The following COL5A1 variants were observed in gnomAD, a reference collection of about 807,000 sequenced individuals.
COL5A1 encodes the protein collagen alpha-1(V) chain.
In COL5A1, 16 loss-of-function variants were observed where a neutral mutation model predicts 263.7. The ratio of observed to expected loss-of-function variants is 0.06; its 90% CI spans 0.04 to 0.09. COL5A1 has a LOEUF of 0.09. Ranked by LOEUF, COL5A1 falls within the 10% of genes least tolerant of loss-of-function variation. The probability of loss-of-function intolerance (pLI) is 1.00; values close to 1 mark genes in which losing one functional copy is unlikely to be tolerated. For synonymous variants in COL5A1, 1,012 were observed against 1,004.5 expected (o/e 1.01, Z -0.14); for missense variants, 2,036 against 2,540.5 (o/e 0.80, Z 4.27).
intron 1 of COL5A1, among the ~76,000 whole-genome samples, chr9:134,674,624 G>A (rs907368899): frequency 2.0e-5 from 3 of 152,130 alleles, no homozygotes; most frequent in Admixed American, 2.0e-4. Flanking sequence ...GATGACTCAC[G>A]CCTGTAATCC....
At chr9:134,792,130 C>T (rs150874200) in intron 32 of COL5A1, among the ~76,000 whole-genome samples, 12 of 152,324 alleles carry the variant, frequency 7.9e-5, no homozygotes, top group African/African-American at 9.6e-5. Context: ...GGGCCGAGCC[C>T]GGCAAGGGAG....
At chr9:134,699,876 C>G in intron 2 of COL5A1, 33 bp from the exon 3 acceptor site, 1 of 1,607,218 alleles carries the variant, frequency 6.2e-7, no homozygotes, top group East Asian at 2.2e-5. Flanking sequence ...AGGGGCTCCC[C>G]GACTGCCTTC....
chr9:134,813,552 T>C (rs4841932), intron 48 of COL5A1, among the ~76,000 whole-genome samples: 93,197 of 152,132 alleles, frequency 0.61, 29,759 homozygotes, highest in African/African-American at 0.81. Flanking sequence ...GTAGGGCGCA[T>C]GTTTCTGTTC....
At chr9:134,749,167 G>A (rs139031477) in intron 11 of COL5A1, among the ~76,000 whole-genome samples, 178 of 152,248 alleles carry the variant, frequency 1.2e-3, no homozygotes, top group African/African-American at 4.0e-3. Flanking sequence ...CCGGGGAGGC[G>A]GAGGTTGCAG....
chr9:134,729,763 C>T (rs1485105511), intron 6 of COL5A1, among the ~76,000 whole-genome samples: 1 of 35,570 alleles, frequency 2.8e-5, no homozygotes, highest in Non-Finnish European at 5.1e-5. Context: ...TGTGTGCATG[C>T]GGGCACGGGT....
At chr9:134,814,744 TG>T in intron 49 of COL5A1, 52 bp from the exon 50 acceptor site, 1 of 1,389,630 alleles carries the variant, frequency 7.2e-7, no homozygotes, top group Non-Finnish European at 1.0e-6. Flanking sequence ...CACCTTGCTC[TG>T]GGCGGCGACG....
chr9:134,702,422 G>T (rs917438916), intron 4 of COL5A1, among the ~76,000 whole-genome samples: 1 of 151,910 alleles, frequency 6.6e-6, no homozygotes, highest in Non-Finnish European at 1.5e-5. Flanking sequence ...CTACACATCG[G>T]TTCTGCATCC....
intron 27 of COL5A1, among the ~76,000 whole-genome samples, chr9:134,776,407 C>T (rs569135617): frequency 1.3e-5 from 2 of 152,342 alleles, no homozygotes; most frequent in Admixed American, 1.3e-4. Context: ...ATGCTCTTAT[C>T]TTGCCTATCT....
At chr9:134,826,017 T>C in intron 63 of COL5A1, 113 bp downstream of exon 63, 1 of 664,536 alleles carries the variant, frequency 1.5e-6, no homozygotes, top group Non-Finnish European at 2.7e-6. Context: ...AAGCCAGAAA[T>C]GAATCCGTTT....
intron 1 of COL5A1, among the ~76,000 whole-genome samples, chr9:134,654,144 A>T (rs1831804469): frequency 1.2e-5 from 1 of 86,692 alleles, no homozygotes. Context: ...GGGGGTGTGT[A>T]GGGCTGGGGG....
chr9:134,744,978 G>A (rs531616171), intron 11 of COL5A1, among the ~76,000 whole-genome samples: 20 of 152,340 alleles, frequency 1.3e-4, no homozygotes, highest in African/African-American at 4.8e-4. Flanking sequence ...ACCTCCACAC[G>A]GCCCTTCCAT....
intron 4 of COL5A1, among the ~76,000 whole-genome samples, chr9:134,715,091 C>T (rs1834216061): frequency 6.6e-6 from 1 of 152,046 alleles, no homozygotes; most frequent in Non-Finnish European, 1.5e-5. Context: ...GCACCAGTCT[C>T]TGAGTTCCCT....
At chr9:134,726,671 GAT>G (rs1182432677) in intron 4 of COL5A1, among the ~76,000 whole-genome samples, 3 of 150,606 alleles carry the variant, frequency 2.0e-5, no homozygotes, top group Non-Finnish European at 3.0e-5. Context: ...TGGGAGAATG[GAT>G]GGATGGGTGA....
Position 134,794,985 on chromosome 9 carries a change from C to A in COL5A1, c.2701-97C>A. 7.2e-7 allele frequency: 1 copy of A among 1,394,220 alleles called. No individual in the cohort carries two copies. The highest frequency in any genetic ancestry group is 1.0e-6 in the Non-Finnish European group (1 of 985,716). The allele number at this position is 1,394,220 out of a possible 1,614,324, so 86.4% of individuals were successfully genotyped here. The stretch of plus-strand genomic sequence containing the variant: ...AGGCCCAGGTTCCTCCTATCCTGCT[C>A]TGAATTCACAGTCTCTCAATAACCC... On this transcript the variant is annotated intron_variant, in intron 32 of 65. Transcript: ENST00000371817. The surrounding 1 kb of genome is among the most constrained non-coding windows in gnomAD (Gnocchi z 4.3).
In COL5A1 at chr9:134,728,784, A is replaced by G. The variant is rs1445863121; in HGVS notation, c.901A>G (p.Lys301Glu). ...CAGCAAGAAGCCCGTGGAAGCTGCC[A>G]AAGAAACCACAGAGGTCCCCGAGGT... Reference protein sequence around the residue: ...TPSKKPVEAAKETTEVPEELT... With the variant: ...TPSKKPVEAAEETTEVPEELT... The change falls in exon 6 of 66, where the codon AAA becomes GAA. Residue 301 changes from lysine to glutamate, a missense_variant. Transcript: ENST00000371817. 1.9e-6 allele frequency: 3 copies of G among 1,614,064 alleles called. No individual in the cohort carries two copies. Among genetic ancestry groups the G allele is most frequent in the Admixed American group, 1.7e-5 (1 of 60,010 alleles).
At chr9:134,803,521 C>T (rs762820430) in intron 39 of COL5A1, among the ~76,000 whole-genome samples, 11 of 151,888 alleles carry the variant, frequency 7.2e-5, no homozygotes, top group Non-Finnish European at 1.5e-4. Flanking sequence ...TGTAATCCCA[C>T]CTACTTGGGA....
At chr9:134,730,743 ATGACCCTAGCCCT>A (rs1384971473) in intron 7 of COL5A1, among the ~76,000 whole-genome samples, 10 of 152,222 alleles carry the variant, frequency 6.6e-5, no homozygotes, top group Non-Finnish European at 1.5e-4. Context: ...AATGGGTAGA[ATGACCCTAGCCCT>A]TCCGGTCTTT....
intron 8 of COL5A1, 99 bp downstream of exon 8, chr9:134,731,762 G>C (rs1013401238): frequency 4.5e-6 from 6 of 1,329,492 alleles, no homozygotes; most frequent in Non-Finnish European, 6.2e-6. Flanking sequence ...GGGCCTCTAC[G>C]GGCAGCTCAA....
In COL5A1 at chr9:134,690,883, C is replaced by T. The variant is rs778835445; in HGVS notation, c.110-29C>T. ...CCAGGTGCTCCTTTCCTCTCCGTGG[C>T]TAACTCTGCTCCTCCTCTGTCATTT... On this transcript the variant is annotated intron_variant, in intron 1 of 65. Coordinates refer to ENST00000371817, the MANE Select transcript of COL5A1 (RefSeq NM_000093.5). 8.7e-6 allele frequency: 14 copies of T among 1,613,026 alleles called. No homozygotes were observed. In the Admixed American group the frequency reaches 1.5e-4, roughly 17 times the overall value.
Sources: gnomAD v4.1 joint callset for allele counts (sites outside exome capture counted in the v4.1 genomes callset) on GRCh38, gnomAD v4.1.1 for gene constraint, Gnocchi (gnomAD v3.1) non-coding constraint, MANE v1.5 for transcripts, NCBI Gene and HGNC (gene_info 2026-07-23, HGNC 2026-07-21) for gene names.